Variants in RBFOX3 observed in about 807,000 individuals in gnomAD.
RBFOX3 encodes the protein RNA binding protein fox-1 homolog 3.
Under a neutral mutation model 48.7 loss-of-function variants are expected in RBFOX3, and 17 were observed. That is an observed-to-expected ratio of 0.35 (90% CI 0.24 to 0.52). The LOEUF (loss-of-function observed/expected upper bound fraction) is 0.52. Ranked by LOEUF, RBFOX3 falls within the 20% of genes least tolerant of loss-of-function variation. The pLI is 0.94. For missense variants in RBFOX3, 382 were observed against 497.5 expected (o/e 0.77, Z 2.21); for synonymous variants, 212 against 209.5 (o/e 1.01, Z -0.10).
At chr17:79,293,297 G>A (rs185704726) in intron 3 of RBFOX3, among the ~76,000 whole-genome samples, 15 of 152,018 alleles carry the variant, frequency 9.9e-5, no homozygotes, top group African/African-American at 2.9e-4. Flanking sequence ...CATCAAGACC[G>A]ATCTTTGCTT....
chr17:79,627,790 C>T, the RBFOX3 span, among the ~76,000 whole-genome samples: 2 of 129,536 alleles, frequency 1.5e-5, no homozygotes, highest in Non-Finnish European at 3.6e-5. Context: ...TCTTCTTCCT[C>T]CCTCCCCAGG....
At chr17:79,141,979 G>A (rs1438738642) in intron 4 of RBFOX3, among the ~76,000 whole-genome samples, 1 of 152,222 alleles carries the variant, frequency 6.6e-6, no homozygotes, top group Admixed American at 6.5e-5. Context: ...AGAAAGAGGA[G>A]GAGACGGGGC....
intron 4 of RBFOX3, among the ~76,000 whole-genome samples, chr17:79,121,967 G>C (rs1481448769): frequency 1.3e-5 from 2 of 152,102 alleles, no homozygotes; most frequent in African/African-American, 2.4e-5. Context: ...TTGGGGGTTT[G>C]ACGTGCCCCC....
chr17:79,602,079 C>T (rs1435321868), intron 1 of RBFOX3: 2 of 152,260 alleles, frequency 1.3e-5, no homozygotes, highest in African/African-American at 4.8e-5. Flanking sequence ...TGAGATCTGC[C>T]GGTGAGAAAG....
intron 2 of RBFOX3, among the ~76,000 whole-genome samples, chr17:79,445,147 A>G (rs550708307): frequency 2.3e-4 from 35 of 152,294 alleles, no homozygotes; most frequent in Middle Eastern, 6.8e-3. Context: ...GGACCTTTTC[A>G]TCAGTCGATA....
At chr17:79,210,501 C>G (rs2058235137) in intron 4 of RBFOX3, among the ~76,000 whole-genome samples, 1 of 152,254 alleles carries the variant, frequency 6.6e-6, no homozygotes, top group African/African-American at 2.4e-5. Context: ...CTTCACGTAA[C>G]TATCCCTTTA....
chr17:79,659,339 T>A, the RBFOX3 span, among the ~76,000 whole-genome samples: 1 of 152,182 alleles, frequency 6.6e-6, no homozygotes, highest in Non-Finnish European at 1.5e-5. Flanking sequence ...AGAGGGTATC[T>A]GGGTCAAGCG....
At chr17:79,114,796 A>C (rs1335444304) in intron 5 of RBFOX3, among the ~76,000 whole-genome samples, 2 of 152,100 alleles carry the variant, frequency 1.3e-5, no homozygotes, top group East Asian at 3.9e-4. Flanking sequence ...GGGACCAGAC[A>C]AAAGGAATAG....
At chr17:79,530,670 ACT>A (rs2087602199) in intron 1 of RBFOX3, among the ~76,000 whole-genome samples, 1 of 151,818 alleles carries the variant, frequency 6.6e-6, no homozygotes, top group Non-Finnish European at 1.5e-5. Context: ...GATGAATGAG[ACT>A]CTGCTCCAGC....
intron 3 of RBFOX3, among the ~76,000 whole-genome samples, chr17:79,250,282 T>C (rs1038522802): frequency 1.3e-5 from 2 of 152,202 alleles, no homozygotes; most frequent in African/African-American, 2.4e-5. Flanking sequence ...GCAGCTAATT[T>C]GCAGATTGTG....
chr17:79,269,725 C>T (rs2067336420), intron 3 of RBFOX3, among the ~76,000 whole-genome samples: 1 of 151,252 alleles, frequency 6.6e-6, no homozygotes, highest in Admixed American at 6.6e-5. Context: ...TCTCCCTTGT[C>T]TGTCACTGTC....
intron 8 of RBFOX3, among the ~76,000 whole-genome samples, chr17:79,102,256 C>T (rs971867473): frequency 2.0e-5 from 3 of 152,188 alleles, no homozygotes; most frequent in East Asian, 1.9e-4. Context: ...ATGGAGAAGA[C>T]GAGGCATGTG....
intron 1 of RBFOX3, among the ~76,000 whole-genome samples, chr17:79,540,603 G>C (rs1319635155): frequency 6.6e-6 from 1 of 152,150 alleles, no homozygotes; most frequent in Non-Finnish European, 1.5e-5. Flanking sequence ...GAAGGGCCCG[G>C]GCCCTGCTTC....
In RBFOX3 at chr17:79,090,944, GA is replaced by G. The variant is rs1473557173; in HGVS notation, c.1078-60del. 2.6e-6 allele frequency: 4 copies of G among 1,517,172 alleles called. No homozygotes were observed. The African/African-American group carries it at 4.2e-5, about 16-fold the overall frequency. 94.0% of individuals were successfully genotyped at this position (1,517,172 alleles called of 1,614,324 possible). ...TTCTCGGGGGAGGCACAGCAGGTGTGAAGGCGACAGGACCACGTGGCACGGG... is the reference window on the plus strand; with the variant it reads ...TTCTCGGGGGAGGCACAGCAGGTGTGAGGCGACAGGACCACGTGGCACGGG... On this transcript the variant is annotated intron_variant, in intron 14 of 14. Transcript: ENST00000693108.
intron 4 of RBFOX3, among the ~76,000 whole-genome samples, chr17:79,197,101 G>A (rs550985319): frequency 1.3e-5 from 2 of 148,998 alleles, no homozygotes; most frequent in East Asian, 2.0e-4. Context: ...GCCCATGTGG[G>A]TGGCTGGGCA....
intron 2 of RBFOX3, among the ~76,000 whole-genome samples, chr17:79,326,094 A>G (rs2079270521): frequency 6.6e-6 from 1 of 152,168 alleles, no homozygotes; most frequent in South Asian, 2.1e-4. Flanking sequence ...CAAGAGGGGA[A>G]ATCAATTACA....
chr17:79,428,474 C>G (rs531006088), intron 2 of RBFOX3, among the ~76,000 whole-genome samples: 3 of 152,374 alleles, frequency 2.0e-5, no homozygotes, highest in African/African-American at 7.2e-5. Context: ...AGGCTGGTCT[C>G]AACTTTTTAC....
At chr17:79,597,234 C>T (rs956669622) in intron 1 of RBFOX3, among the ~76,000 whole-genome samples, 4 of 152,310 alleles carry the variant, frequency 2.6e-5, no homozygotes, top group Admixed American at 6.5e-5. Context: ...ATATCCCAGC[C>T]GTGGAAAAGC....
intron 4 of RBFOX3, among the ~76,000 whole-genome samples, chr17:79,145,264 T>C (rs2042792960): frequency 6.6e-6 from 1 of 152,180 alleles, no homozygotes; most frequent in Non-Finnish European, 1.5e-5. Context: ...CCTGGGGTCT[T>C]GCAGAGATTC....
Sources: gnomAD v4.1 joint callset for allele counts (sites outside exome capture counted in the v4.1 genomes callset) on GRCh38, gnomAD v4.1.1 for gene constraint, MANE v1.5 for transcripts, NCBI Gene and HGNC (gene_info 2026-07-23, HGNC 2026-07-21) for gene names.